CEMIP2: variants seen among roughly 807,000 people sequenced by gnomAD.
CEMIP2 encodes cell migration inducing hyaluronidase 2.
CEMIP2 carries 79 observed loss-of-function variants against 146.9 expected under a neutral mutation model. The observed-to-expected ratio is 0.54, with a 90% CI of 0.45 to 0.65. The LOEUF is 0.65. Ranked by LOEUF, CEMIP2 falls within the 30% of genes least tolerant of loss-of-function variation. The pLI is 0.00. For synonymous variants in CEMIP2, 601 were observed against 606.3 expected, an observed-to-expected ratio of 0.99 and a Z score of 0.13; for missense variants, 1,596 against 1,696.2, an observed-to-expected ratio of 0.94 and a Z score of 1.04.
At chr9:71,758,572 T>G (rs764976643) in intron 1 of CEMIP2, among the ~76,000 whole-genome samples, 1 of 152,160 alleles carries the variant, frequency 6.6e-6, no homozygotes, top group Non-Finnish European at 1.5e-5. Flanking sequence ...GTTATGTAGA[T>G]GAACCGAACC....
chr9:71,685,100 T>C lies in CEMIP2; in HGVS notation c.*97A>G, dbSNP rs1053507367. The stretch of plus-strand genomic sequence containing the variant: ...CCCCATTCTGTATCAAACTGGAAAA[T>C]GGTTCCGTTGGGTTAACAGTGTCAT... On this transcript the variant is annotated 3_prime_UTR_variant, in exon 24 of 24. Coordinates refer to ENST00000377044, the MANE Select transcript of CEMIP2 (RefSeq NM_013390.3). 2.6e-5 allele frequency: 31 copies of C among 1,208,830 alleles called. No homozygotes were observed. Among genetic ancestry groups the C allele is most frequent in the Middle Eastern group, 2.0e-4 (1 of 4,926 alleles). The allele number at this position is 1,208,830 out of a possible 1,614,324, so 74.9% of individuals were successfully genotyped here. A position where few individuals can be genotyped will look rare whatever the true frequency, so the allele number is the denominator to read the frequency against.
At chr9:71,700,929 T>A in intron 18 of CEMIP2, 105 bp from the exon 19 acceptor site, 1 of 1,042,352 alleles carries the variant, frequency 9.6e-7, no homozygotes, top group South Asian at 2.0e-5. Context: ...TTCTTCCACT[T>A]CCTGCCCATA....
At chr9:71,762,887 C>T (rs1436128253) in intron 1 of CEMIP2, among the ~76,000 whole-genome samples, 2 of 152,030 alleles carry the variant, frequency 1.3e-5, no homozygotes, top group Non-Finnish European at 2.9e-5. Flanking sequence ...TGGTGCATGC[C>T]TGTACTCCCA....
chr9:71,748,120 A>G (rs1391968311), intron 2 of CEMIP2, among the ~76,000 whole-genome samples: 1 of 152,240 alleles, frequency 6.6e-6, no homozygotes, highest in African/African-American at 2.4e-5. Context: ...TAAAGAAGGA[A>G]ATCCAGTCTT....
At chr9:71,748,085 T>G (rs748227447) in intron 2 of CEMIP2, among the ~76,000 whole-genome samples, 1 of 152,206 alleles carries the variant, frequency 6.6e-6, no homozygotes, top group African/African-American at 2.4e-5. Flanking sequence ...CTCCATAGTT[T>G]TATAACAAGC....
At chr9:71,727,894 C>A (rs1416891000) in intron 10 of CEMIP2, among the ~76,000 whole-genome samples, 1 of 152,038 alleles carries the variant, frequency 6.6e-6, no homozygotes, top group Non-Finnish European at 1.5e-5. Flanking sequence ...AACCCAGTCT[C>A]TACTAAAAAT....
chr9:71,754,177 C>T (rs111950182), intron 1 of CEMIP2, among the ~76,000 whole-genome samples: 3,948 of 151,858 alleles, frequency 0.026, 170 homozygotes, highest in African/African-American at 0.09. Flanking sequence ...CAAACCTGCA[C>T]GTTGTACACA....
chr9:71,706,813 A>ATTAT (rs1422332590), intron 17 of CEMIP2, among the ~76,000 whole-genome samples: 4 of 150,744 alleles, frequency 2.7e-5, no homozygotes, highest in Non-Finnish European at 4.4e-5. Flanking sequence ...CTAAAAGCTT[A>ATTAT]TTATTTATTT....
intron 1 of CEMIP2, among the ~76,000 whole-genome samples, chr9:71,767,406 G>A (rs576761851): frequency 6.6e-6 from 1 of 152,234 alleles, no homozygotes. Context: ...ACTCAAGGCA[G>A]TGAGTAGCTC....
At chr9:71,700,903 G>C in intron 18 of CEMIP2, 79 bp from the exon 19 acceptor site, 1 of 1,272,800 alleles carries the variant, frequency 7.9e-7, no homozygotes, top group Non-Finnish European at 1.1e-6. Context: ...GCAGATAACT[G>C]TCCTTCATGT....
intron 1 of CEMIP2, among the ~76,000 whole-genome samples, chr9:71,753,194 G>A (rs931868614): frequency 1.1e-4 from 16 of 152,140 alleles, no homozygotes; most frequent in African/African-American, 3.9e-4. Context: ...TGCTCTGAAA[G>A]GGAGTGGGAA....
intron 1 of CEMIP2, among the ~76,000 whole-genome samples, chr9:71,756,240 A>G (rs778521696): frequency 0.018 from 1,418 of 78,468 alleles, 18 homozygotes; most frequent in Admixed American, 0.053. Context: ...ATATAGGTGT[A>G]TATATATATA....
chr9:71,690,904 A>C (rs1822208553), intron 21 of CEMIP2, among the ~76,000 whole-genome samples: 1 of 152,238 alleles, frequency 6.6e-6, no homozygotes, highest in Admixed American at 6.5e-5. Flanking sequence ...GGAACTCCAG[A>C]TATTTCCAAA....
chr9:71,760,388 A>C (rs1824594952), intron 1 of CEMIP2, among the ~76,000 whole-genome samples: 1 of 152,242 alleles, frequency 6.6e-6, no homozygotes, highest in Non-Finnish European at 1.5e-5. Flanking sequence ...TAATGCCAAA[A>C]GTGAACCAAG....
intron 1 of CEMIP2, among the ~76,000 whole-genome samples, chr9:71,760,889 C>T (rs1824613840): frequency 1.3e-5 from 2 of 152,198 alleles, no homozygotes; most frequent in Non-Finnish European, 2.9e-5. Flanking sequence ...CTATTCCCTT[C>T]GGTTTCCTTT....
intron 18 of CEMIP2, 180 bp downstream of exon 18, chr9:71,704,415 G>A: frequency 1.6e-6 from 1 of 630,902 alleles, no homozygotes; most frequent in Non-Finnish European, 2.7e-6. Flanking sequence ...GAAATGACAG[G>A]ATTCAATTTG....
At chr9:71,698,921 A>C (rs1822475592) in intron 19 of CEMIP2, among the ~76,000 whole-genome samples, 1 of 152,128 alleles carries the variant, frequency 6.6e-6, no homozygotes, top group Non-Finnish European at 1.5e-5. Context: ...GTGATTGATT[A>C]CTAGAAATGA....
intron 3 of CEMIP2, 85 bp downstream of exon 3, chr9:71,746,116 A>G (rs1303286617): frequency 6.5e-5 from 96 of 1,484,674 alleles, no homozygotes; most frequent in Non-Finnish European, 1.2e-5. Flanking sequence ...TCTGCCTAAA[A>G]ATAGTCTTCT....
chr9:71,711,319 T>C (rs1170243873), intron 16 of CEMIP2, among the ~76,000 whole-genome samples: 1 of 151,840 alleles, frequency 6.6e-6, no homozygotes, highest in East Asian at 1.9e-4. Context: ...CCCAATACTT[T>C]GGGAGGCCAA....
Sources: allele counts gnomAD v4.1 joint callset (sites outside exome capture counted in the v4.1 genomes callset), GRCh38; gene constraint gnomAD v4.1.1; transcripts MANE v1.5; gene names NCBI Gene and HGNC (gene_info 2026-07-23, HGNC 2026-07-21).